LIMA1: variants seen among roughly 807,000 people sequenced by gnomAD.
LIMA1 encodes the protein LIM domain and actin binding 1.
A neutral mutation model predicts 62.6 loss-of-function variants in LIMA1; 52 were observed. The ratio of observed to expected loss-of-function variants is 0.83; its 90% CI spans 0.67 to 1.05. The LOEUF is 1.05. Ranked by LOEUF, LIMA1 falls within the 50% of genes least tolerant of loss-of-function variation. The pLI is 0.00. For missense variants in LIMA1, 780 were observed against 902.2 expected (o/e 0.86, Z 1.74); for synonymous variants, 302 against 317.8 (o/e 0.95, Z 0.53).
chr12:50,192,059 TG>T (rs1317111639), intron 9 of LIMA1, among the ~76,000 whole-genome samples: 1 of 141,988 alleles, frequency 7.0e-6, no homozygotes, highest in Non-Finnish European at 1.5e-5. Flanking sequence ...TGCTTGAACA[TG>T]GGGGGGCGGA....
chr12:50,281,013 C>T (rs924448583), intron 1 of LIMA1, among the ~76,000 whole-genome samples: 3 of 152,260 alleles, frequency 2.0e-5, no homozygotes, highest in Admixed American at 2.0e-4. Flanking sequence ...ATCTAAAAGT[C>T]ATCTATCTAA....
intron 4 of LIMA1, among the ~76,000 whole-genome samples, chr12:50,206,974 G>C (rs1428339493): frequency 6.6e-6 from 1 of 152,036 alleles, no homozygotes; most frequent in Non-Finnish European, 1.5e-5. Context: ...ACCCAGGCTG[G>C]AGTATAGTGA....
At chr12:50,239,867 G>T (rs915777484) in intron 2 of LIMA1, among the ~76,000 whole-genome samples, 1 of 150,408 alleles carries the variant, frequency 6.6e-6, no homozygotes, top group African/African-American at 2.5e-5. Context: ...GGTGGCATGC[G>T]CCTGTAGTCC....
chr12:50,209,583 A>G (rs372561807), intron 4 of LIMA1, among the ~76,000 whole-genome samples: 89 of 125,786 alleles, frequency 7.1e-4, no homozygotes, highest in Middle Eastern at 4.1e-3. Context: ...AAAAAAAAAA[A>G]AAAAGAAAAA....
chr12:50,193,580 T>TAC (rs35171909), intron 8 of LIMA1, among the ~76,000 whole-genome samples: 119 of 125,622 alleles, frequency 9.5e-4, no homozygotes, highest in African/African-American at 2.8e-3. Context: ...GATATATATA[T>TAC]ACATGTATAT....
intron 2 of LIMA1, among the ~76,000 whole-genome samples, chr12:50,246,881 A>G (rs1039861525): frequency 6.6e-6 from 1 of 152,154 alleles, no homozygotes; most frequent in African/African-American, 2.4e-5. Flanking sequence ...TGCTTCTTAA[A>G]CTTCCCTGAA....
chr12:50,210,175 C>T (rs141694789), intron 4 of LIMA1, among the ~76,000 whole-genome samples: 2,631 of 152,108 alleles, frequency 0.017, 78 homozygotes, highest in African/African-American at 0.06. Flanking sequence ...GTAATCCTAG[C>T]ACTTTGGGAG....
chr12:50,176,183 TGTAAGACA>T lies in LIMA1; in HGVS notation c.*873_*880del, dbSNP rs1341453942. Reference sequence around the variant, plus strand: ...GGTTTAGAGGTCTGAGCTCAAGTGGTGTAAGACAGTTCTTTCTTCTTCCTCCTTTAAAC... The same window carrying T: ...GGTTTAGAGGTCTGAGCTCAAGTGGTGTTCTTTCTTCTTCCTCCTTTAAAC... On this transcript the variant is annotated 3_prime_UTR_variant, in exon 11 of 11. Transcript: ENST00000341247. 2 of 152,234 alleles carry T rather than the reference TGTAAGACA, an allele frequency of 1.3e-5. No homozygotes were observed. Among genetic ancestry groups the T allele is most frequent in the African/African-American group, 4.8e-5 (2 of 41,472 alleles). The allele number at this position is 152,234 out of a possible 1,614,324, so 9.4% of individuals were successfully genotyped here.
At chr12:50,238,160 C>T (rs1351158120) in intron 2 of LIMA1, among the ~76,000 whole-genome samples, 2 of 151,918 alleles carry the variant, frequency 1.3e-5, no homozygotes, top group Non-Finnish European at 2.9e-5. Flanking sequence ...TGGAATACAA[C>T]ACCAAAAGCA....
chr12:50,229,436 G>T (rs1409629542), intron 3 of LIMA1, among the ~76,000 whole-genome samples: 2 of 151,984 alleles, frequency 1.3e-5, no homozygotes, highest in East Asian at 3.9e-4. Flanking sequence ...GCAAACTATC[G>T]CAAGGACAAA....
In LIMA1 at chr12:50,247,176, A is replaced by G. The variant is rs1565857575; in HGVS notation, c.119+1457T>C. ...TAATTAAAAAAATTTAAAATGTCCA[A>G]AAAATTCTGACATTCCTCCTATCAG... On this transcript the variant is annotated intron_variant, in intron 2 of 10. Coordinates refer to ENST00000341247, the MANE Select transcript of LIMA1 (RefSeq NM_016357.5). Among the ~76,000 whole-genome samples, 6 of 152,198 alleles carry G rather than the reference A, an allele frequency of 3.9e-5. No individual in the cohort carries two copies. In the South Asian group the frequency reaches 1.0e-3, roughly 26 times the overall value.
At position 50,177,535 on chromosome 12, in the gene LIMA1, C is replaced by CCT; in HGVS notation, c.1808_1809insAG (p.Ser604GlyfsTer78). 6.2e-7 allele frequency: 1 copy of CCT among 1,611,262 alleles called. No individual in the cohort carries two copies. Among genetic ancestry groups the CCT allele is most frequent in the Non-Finnish European group, 8.5e-7 (1 of 1,178,966 alleles). Reference sequence around the variant, plus strand: ...TAGGTGGGGACACAGTTTTTGGGCTCTTGACAGAGGTGCTTTGAAATGAAG... The same window carrying CCT: ...TAGGTGGGGACACAGTTTTTGGGCTCCTTTGACAGAGGTGCTTTGAAATGAAG... On this transcript the variant is annotated frameshift_variant, in exon 11 of 11. Coordinates refer to ENST00000341247, the MANE Select transcript of LIMA1 (RefSeq NM_016357.5). LOFTEE classifies it low-confidence loss of function (END_TRUNC).
chr12:50,218,873 CA>C (rs1941393736), intron 4 of LIMA1, among the ~76,000 whole-genome samples: 1 of 136,930 alleles, frequency 7.3e-6, no homozygotes, highest in Non-Finnish European at 1.5e-5. Context: ...GCCTGGGCAA[CA>C]GAGTTAAGAC....
At chr12:50,258,461 A>G (rs958451883) in intron 1 of LIMA1, among the ~76,000 whole-genome samples, 18 of 151,754 alleles carry the variant, frequency 1.2e-4, no homozygotes, top group Admixed American at 8.5e-4. Context: ...CGCCTGGCTA[A>G]TATTTTAAAT....
At chr12:50,217,695 C>A in intron 4 of LIMA1, 1 of 253,168 alleles carries the variant, frequency 3.9e-6, no homozygotes, top group Non-Finnish European at 7.9e-6. Flanking sequence ...GCAGCACCCG[C>A]AGGTCTACAG....
chr12:50,201,461 T>A (rs1592514030), intron 6 of LIMA1: 1 of 979,626 alleles, frequency 1.0e-6, no homozygotes, highest in Non-Finnish European at 1.2e-6. Flanking sequence ...ACTAAAGACA[T>A]AATTTATTTT....
rs1942122243 is a variant in LIMA1 at position 50,265,083 on chromosome 12, A to G, written c.-23-16309T>C. ...TGGGAAGATTGCCTGAGCCTAGGAG[A>G]TTGAGGCTGCAGTGAGCTGTGATGG... is the stretch of plus-strand genomic sequence containing the variant. On this transcript the variant is annotated intron_variant, in intron 1 of 10. Coordinates refer to ENST00000341247, the MANE Select transcript of LIMA1 (RefSeq NM_016357.5). Among the ~76,000 whole-genome samples, 4 of 150,714 alleles carry G rather than the reference A, an allele frequency of 2.7e-5. No individual in the cohort carries two copies. In the South Asian group the frequency reaches 8.4e-4, roughly 32 times the overall value.
intron 1 of LIMA1, among the ~76,000 whole-genome samples, chr12:50,264,761 T>C (rs777544972): frequency 6.6e-6 from 1 of 152,212 alleles, no homozygotes; most frequent in Non-Finnish European, 1.5e-5. Flanking sequence ...CAATAAACAT[T>C]ATTCTAAAGG....
At chr12:50,185,862 A>G (rs1940619712) in intron 9 of LIMA1, 1 of 180,228 alleles carries the variant, frequency 5.5e-6, no homozygotes, top group Admixed American at 5.4e-5. Context: ...GCTTCTAACT[A>G]GCCAGACCTA....
Sources: allele counts gnomAD v4.1 joint callset (sites outside exome capture counted in the v4.1 genomes callset), GRCh38; gene constraint gnomAD v4.1.1; transcripts MANE v1.5; gene names NCBI Gene and HGNC (gene_info 2026-07-23, HGNC 2026-07-21).